OC90: variants seen among roughly 807,000 people sequenced by gnomAD.
OC90 encodes otoconin 90.
In OC90, 46 loss-of-function variants were observed where a neutral mutation model predicts 47.3. That is an observed-to-expected ratio of 0.97 (90% CI 0.77 to 1.24). The LOEUF (loss-of-function observed/expected upper bound fraction) is 1.24, where lower values mean the gene tolerates loss of function less well. Among genes scored for constraint, OC90 ranks in the 50% most tolerant of loss-of-function variants. OC90 has a pLI of 0.00. For synonymous variants in OC90, 271 were observed against 219.5 expected (o/e 1.23, Z -2.07); for missense variants, 688 against 583.9 (o/e 1.18, Z -1.84).
rs557235393 is a variant in OC90, at chr8:132,024,408, G to A, written c.*73C>T. Reference sequence around the variant, plus strand: ...GAAGAAGGCTCCAAGGGACAGAGGAGGCTGAGAGATAAAGAGCTGAAGGTG... The same window carrying A: ...GAAGAAGGCTCCAAGGGACAGAGGAAGCTGAGAGATAAAGAGCTGAAGGTG... On this transcript the variant is annotated 3_prime_UTR_variant, in exon 14 of 14. Transcript: ENST00000254627. 9 of 1,218,428 alleles carry A rather than the reference G, an allele frequency of 7.4e-6. No individual in the cohort carries two copies. The African/African-American group carries it at 1.2e-4, about 16-fold the overall frequency. The allele number at this position is 1,218,428 out of a possible 1,614,324, so 75.5% of individuals were successfully genotyped here. A position where few individuals can be genotyped will look rare whatever the true frequency, so the allele number is the denominator to read the frequency against.
chr8:132,036,667 C>T (rs1280763518), intron 9 of OC90, among the ~76,000 whole-genome samples: 1 of 152,196 alleles, frequency 6.6e-6, no homozygotes, highest in East Asian at 1.9e-4. Flanking sequence ...CCATTATTTC[C>T]CTGAGGTTTG....
At chr8:132,037,189 T>C (rs1420372739) in intron 9 of OC90, among the ~76,000 whole-genome samples, 3 of 152,252 alleles carry the variant, frequency 2.0e-5, no homozygotes, top group African/African-American at 7.2e-5. Context: ...AAATATTAAC[T>C]GAGATAGTTT....
chr8:132,033,230 A>T, intron 10 of OC90, 66 bp from the exon 11 acceptor site: 1 of 1,530,378 alleles, frequency 6.5e-7, no homozygotes, highest in Non-Finnish European at 8.9e-7. Flanking sequence ...GCAGATGGAC[A>T]TACGAAAGCC....
intron 13 of OC90, among the ~76,000 whole-genome samples, chr8:132,027,590 C>T (rs1024503085): frequency 1.3e-5 from 2 of 152,146 alleles, no homozygotes; most frequent in African/African-American, 2.4e-5. Context: ...ATGCATCCAC[C>T]GATATGAATG....
intron 2 of OC90, among the ~76,000 whole-genome samples, chr8:132,047,521 C>T (rs559817016): frequency 6.6e-6 from 1 of 152,226 alleles, no homozygotes; most frequent in South Asian, 2.1e-4. Flanking sequence ...TTTGTTTCAT[C>T]TGGGAGTTCC....
intron 1 of OC90, 54 bp from the exon 2 acceptor site, chr8:132,055,127 A>G: frequency 1.0e-6 from 1 of 985,498 alleles, no homozygotes; most frequent in South Asian, 1.5e-5. Context: ...TTCCCATGAA[A>G]GAACCCATGG....
At chr8:132,052,409 C>T (rs899786471) in intron 2 of OC90, among the ~76,000 whole-genome samples, 14 of 152,154 alleles carry the variant, frequency 9.2e-5, no homozygotes, top group African/African-American at 2.9e-4. Flanking sequence ...GTAAAATTTG[C>T]CTGTTCCTTG....
intron 6 of OC90, among the ~76,000 whole-genome samples, chr8:132,039,564 C>T (rs918197189): frequency 2.4e-4 from 37 of 152,144 alleles, no homozygotes; most frequent in Non-Finnish European, 4.4e-4. Flanking sequence ...AACGTCCCAG[C>T]GTCTTCCCAC....
intron 12 of OC90, among the ~76,000 whole-genome samples, chr8:132,029,528 G>C (rs1420842365): frequency 1.3e-5 from 2 of 152,088 alleles, no homozygotes; most frequent in Admixed American, 1.3e-4. Context: ...TCTTAAGGAA[G>C]GGGTACCCTT....
At chr8:132,024,900 T>TCCAC in intron 13 of OC90, 124 bp from the exon 14 acceptor site, 1 of 741,706 alleles carries the variant, frequency 1.3e-6, no homozygotes, top group Non-Finnish European at 2.1e-6. Context: ...CTTCAGGGTA[T>TCCAC]CCACCTTATA....
chr8:132,044,300 C>T (rs374105965), intron 4 of OC90, 133 bp downstream of exon 4: 1 of 636,858 alleles, frequency 1.6e-6, no homozygotes, highest in East Asian at 2.7e-5. Flanking sequence ...GAACTTGGGT[C>T]TCCTTGTTGG....
chr8:132,040,520 A>G (rs1037774917), intron 6 of OC90, among the ~76,000 whole-genome samples: 20 of 152,068 alleles, frequency 1.3e-4, no homozygotes, highest in African/African-American at 4.3e-4. Flanking sequence ...ATTTGAACCT[A>G]TGTGTTTCTG....
intron 1 of OC90, among the ~76,000 whole-genome samples, chr8:132,056,410 T>C (rs1188856442): frequency 6.6e-6 from 1 of 152,174 alleles, no homozygotes; most frequent in African/African-American, 2.4e-5. Flanking sequence ...TATCCCAGGG[T>C]CTAGCACAAG....
In OC90 at chr8:132,055,032, G is replaced by C. The variant is rs765360305; in HGVS notation, c.-6C>G. ...GTGAGGAGAAACGCAATCATAGCAGGAGAACAAAGGATGGGGCTTAGGCAG... is the reference window on the plus strand; with the variant it reads ...GTGAGGAGAAACGCAATCATAGCAGCAGAACAAAGGATGGGGCTTAGGCAG... On this transcript the variant is annotated 5_prime_UTR_variant, in exon 2 of 14. Transcript: ENST00000254627. 2 of 1,550,808 alleles carry C rather than the reference G, an allele frequency of 1.3e-6. No homozygotes were observed. Among genetic ancestry groups the C allele is most frequent in the East Asian group, 4.9e-5 (2 of 40,906 alleles).
At chr8:132,029,276 G>C (rs950954559) in intron 12 of OC90, 97 bp from the exon 13 acceptor site, 1 of 926,508 alleles carries the variant, frequency 1.1e-6, no homozygotes, top group Admixed American at 1.9e-5. Context: ...CTATAGTAGT[G>C]AGGGAAGCCA....
At chr8:132,027,608 G>A (rs1251091050) in intron 13 of OC90, among the ~76,000 whole-genome samples, 1 of 152,232 alleles carries the variant, frequency 6.6e-6, no homozygotes, top group African/African-American at 2.4e-5. Context: ...ATGAGGAAAT[G>A]GAGCTGGAGA....
At chr8:132,044,767 T>C (rs1045511502) in intron 3 of OC90, among the ~76,000 whole-genome samples, 1 of 152,204 alleles carries the variant, frequency 6.6e-6, no homozygotes, top group Non-Finnish European at 1.5e-5. Flanking sequence ...GAACTATAAA[T>C]ACCTGGTAGG....
intron 4 of OC90, among the ~76,000 whole-genome samples, chr8:132,043,341 T>G (rs559570307): frequency 6.6e-6 from 1 of 152,356 alleles, no homozygotes; most frequent in African/African-American, 2.4e-5. Context: ...TGCCAATTCA[T>G]AGTAAGTAAA....
chr8:132,054,997 C>T lies in OC90; in HGVS notation c.30G>A (p.Leu10=). 6.4e-7 allele frequency: 1 copy of T among 1,550,686 alleles called. No individual in the cohort carries two copies. The highest frequency in any genetic ancestry group is 1.2e-5 in the South Asian group (1 of 83,818). Residue 10 remains leucine, a synonymous_variant, in exon 2 of 14, where the codon CTG becomes CTA. Coordinates refer to ENST00000254627, the MANE Select transcript of OC90 (RefSeq NM_001080399.3). ...ATTACTCACCGGCATGGGGGATCATCAGCACACTGGTGAGGAGAAACGCAA... is the reference window on the plus strand; with the variant it reads ...ATTACTCACCGGCATGGGGGATCATTAGCACACTGGTGAGGAGAAACGCAA... MIAFLLTSV[L]MIPHAGGHPL... is the part of the protein sequence containing the mutation.
Sources: allele counts gnomAD v4.1 joint callset (sites outside exome capture counted in the v4.1 genomes callset), GRCh38; gene constraint gnomAD v4.1.1; transcripts MANE v1.5; gene names NCBI Gene and HGNC (gene_info 2026-07-23, HGNC 2026-07-21).